The following SGCZ variants were observed in gnomAD, a reference collection of about 807,000 sequenced individuals.
SGCZ encodes sarcoglycan zeta, also known as zeta-sarcoglycan.
In SGCZ, 40 loss-of-function variants were observed where a neutral mutation model predicts 41.3. The ratio of observed to expected loss-of-function variants is 0.97; its 90% CI spans 0.75 to 1.26. The LOEUF (loss-of-function observed/expected upper bound fraction) is 1.26. Among genes scored for constraint, SGCZ ranks in the 50% most tolerant of loss-of-function variants. The probability of loss-of-function intolerance (pLI) is 0.00; values close to 1 mark genes in which losing one functional copy is unlikely to be tolerated. For synonymous variants in SGCZ, 206 were observed against 137.5 expected, an observed-to-expected ratio of 1.50 and a Z score of -3.49; for missense variants, 552 against 369.8, an observed-to-expected ratio of 1.49 and a Z score of -4.04.
chr8:14,644,823 G>A (rs914945183), intron 1 of SGCZ, among the ~76,000 whole-genome samples: 3 of 151,670 alleles, frequency 2.0e-5, no homozygotes, highest in African/African-American at 7.3e-5. Flanking sequence ...CTAAGAATTA[G>A]TTGATTTAAG....
At chr8:14,164,127 A>G (rs1275211571) in intron 5 of SGCZ, among the ~76,000 whole-genome samples, 1 of 152,138 alleles carries the variant, frequency 6.6e-6, no homozygotes, top group Non-Finnish European at 1.5e-5. Flanking sequence ...TTATTTACAT[A>G]CTTTTGAGGA....
chr8:15,237,855 A>G lies in SGCZ; in HGVS notation c.-232T>C. 2 of 523,582 alleles carry G rather than the reference A, an allele frequency of 3.8e-6. No homozygotes were observed. The highest frequency in any genetic ancestry group is 3.0e-5 in the East Asian group (1 of 33,702). 32.4% of individuals were successfully genotyped at this position (523,582 alleles called of 1,614,324 possible). On this transcript the variant is annotated 5_prime_UTR_variant, in exon 1 of 8. Coordinates refer to ENST00000382080, the MANE Select transcript of SGCZ (RefSeq NM_139167.4). ...TTCCTCAAAGATTTAGTGACAGGTG[A>G]TCTCTACCGCGGTGCAACACAGCTG...
chr8:14,442,981 T>A (rs975591623), intron 2 of SGCZ, among the ~76,000 whole-genome samples: 1 of 152,038 alleles, frequency 6.6e-6, no homozygotes, highest in African/African-American at 2.4e-5. Context: ...ACAAAATCAA[T>A]GTACAAAAAT....
At chr8:14,252,705 T>C (rs1354867059) in intron 3 of SGCZ, among the ~76,000 whole-genome samples, 1 of 152,150 alleles carries the variant, frequency 6.6e-6, no homozygotes, top group Non-Finnish European at 1.5e-5. Context: ...TTCAAGAGGC[T>C]CAAGGATACA....
At chr8:14,627,706 C>T (rs1029770679) in intron 1 of SGCZ, among the ~76,000 whole-genome samples, 1 of 151,956 alleles carries the variant, frequency 6.6e-6, no homozygotes, top group African/African-American at 2.4e-5. Context: ...ATACACCCAG[C>T]TGATCTGTAT....
chr8:14,619,882 T>A (rs1256236670), intron 1 of SGCZ, among the ~76,000 whole-genome samples: 3 of 152,130 alleles, frequency 2.0e-5, no homozygotes, highest in Non-Finnish European at 1.5e-5. Flanking sequence ...AATTTATAGA[T>A]TCAATGCCAT....
At chr8:14,173,677 G>A (rs1407090024) in intron 4 of SGCZ, among the ~76,000 whole-genome samples, 1 of 151,960 alleles carries the variant, frequency 6.6e-6, no homozygotes, top group East Asian at 1.9e-4. Context: ...AGATTAAACT[G>A]AACATTAAAA....
chr8:14,279,612 T>C (rs1329568143), intron 3 of SGCZ, among the ~76,000 whole-genome samples: 2 of 152,054 alleles, frequency 1.3e-5, no homozygotes, highest in African/African-American at 4.8e-5. Context: ...AATCCATGAC[T>C]GTAACATATG....
chr8:14,326,313 T>A (rs1296767603), intron 2 of SGCZ, among the ~76,000 whole-genome samples: 19 of 151,870 alleles, frequency 1.3e-4, no homozygotes, highest in Admixed American at 1.2e-3. Flanking sequence ...TATAATGGCC[T>A]AACCCCTCCA....
intron 1 of SGCZ, among the ~76,000 whole-genome samples, chr8:14,752,611 T>A (rs1443411213): frequency 6.6e-6 from 1 of 152,170 alleles, no homozygotes; most frequent in Admixed American, 6.5e-5. Flanking sequence ...ACTCCCTTGG[T>A]CTATAGGAGA....
Position 15,159,356 on chromosome 8 carries a change from C to A in SGCZ, c.39+78229G>T, listed in dbSNP as rs531289167. Among the ~76,000 whole-genome samples, 20 of 152,228 alleles carry A rather than the reference C, an allele frequency of 1.3e-4. 2 individuals are homozygous for A. The South Asian group carries it at 4.1e-3, about 32-fold the overall frequency. ...TGAAAAAAACATGGTTCCCTGAGTT[C>A]TGTGAGTCTCTCCAGAAAATTAATT... On this transcript the variant is annotated intron_variant, in intron 1 of 7. Coordinates refer to ENST00000382080, the MANE Select transcript of SGCZ (RefSeq NM_139167.4).
intron 1 of SGCZ, among the ~76,000 whole-genome samples, chr8:15,194,490 G>T (rs1237060202): frequency 1.3e-5 from 2 of 152,098 alleles, no homozygotes; most frequent in African/African-American, 4.8e-5. Flanking sequence ...CCTTGCAAAA[G>T]GGACTTTGCA....
chr8:14,624,652 C>T (rs1232610502), intron 1 of SGCZ, among the ~76,000 whole-genome samples: 1 of 143,994 alleles, frequency 6.9e-6, no homozygotes, highest in African/African-American at 2.6e-5. Flanking sequence ...CTCACTGAAA[C>T]CTCCGCCTCC....
intron 1 of SGCZ, among the ~76,000 whole-genome samples, chr8:15,118,799 T>C (rs567201722): frequency 6.6e-6 from 1 of 152,276 alleles, no homozygotes; most frequent in African/African-American, 2.4e-5. Flanking sequence ...TTTTCCCCAT[T>C]TGATAGCCCT....
At chr8:15,008,778 G>T (rs1197267683) in intron 1 of SGCZ, among the ~76,000 whole-genome samples, 5 of 69,174 alleles carry the variant, frequency 7.2e-5, no homozygotes, top group Non-Finnish European at 1.4e-4. Context: ...GGAGGGAGGG[G>T]AGGAGGGAGG....
chr8:15,069,689 C>T (rs1308231841), intron 1 of SGCZ, among the ~76,000 whole-genome samples: 2 of 152,162 alleles, frequency 1.3e-5, no homozygotes, highest in African/African-American at 4.8e-5. Context: ...CAGTCTTCTC[C>T]ATTTATTGTG....
intron 1 of SGCZ, among the ~76,000 whole-genome samples, chr8:14,878,553 T>A (rs1043034030): frequency 6.6e-6 from 1 of 152,150 alleles, no homozygotes; most frequent in Non-Finnish European, 1.5e-5. Context: ...ATATACAATA[T>A]TGAAGTTGAA....
Position 14,394,316 on chromosome 8 carries a change from AATTTTTGTGTTTCTAACAGAG to A in SGCZ, c.235-70133_235-70113del, listed in dbSNP as rs1804902389. ...CAGGCATGCGCCACCACACCCAGCT[AATTTTTGTGTTTCTAACAGAG>A]ACTGGGTTTCACCATGTTGGCCAGG... On this transcript the variant is annotated intron_variant, in intron 2 of 7. Coordinates refer to ENST00000382080, the MANE Select transcript of SGCZ (RefSeq NM_139167.4). 2.0e-5 allele frequency among the ~76,000 whole-genome samples: 3 copies of A among 151,864 alleles called. No individual in the cohort carries two copies. The South Asian group carries it at 6.3e-4, about 32-fold the overall frequency.
At chr8:14,326,211 G>C (rs539670264) in intron 2 of SGCZ, among the ~76,000 whole-genome samples, 14 of 150,800 alleles carry the variant, frequency 9.3e-5, no homozygotes, top group African/African-American at 3.2e-4. Context: ...ATAAAACCAA[G>C]GATAAATTCT....
Sources: allele counts gnomAD v4.1 joint callset (sites outside exome capture counted in the v4.1 genomes callset), GRCh38; gene constraint gnomAD v4.1.1; transcripts MANE v1.5; gene names NCBI Gene and HGNC (gene_info 2026-07-23, HGNC 2026-07-21).